UPRT: variants seen among roughly 807,000 people sequenced by gnomAD.
UPRT encodes the protein RP11-311P8.3.
In UPRT, 5 loss-of-function variants were observed where a neutral mutation model predicts 22.6. The observed-to-expected ratio is 0.22, with a 90% CI of 0.12 to 0.47. The LOEUF is 0.47. UPRT is among the 20% of genes least tolerant of loss of function. The pLI is 0.99. For missense variants in UPRT, 181 were observed against 239.9 expected (o/e 0.75, Z 1.62); for synonymous variants, 77 against 87.7 (o/e 0.88, Z 0.68).
At chrX:75,240,535 C>T (rs1346681898) in intron 4 of UPRT, among the ~76,000 whole-genome samples, 2 of 111,648 alleles carry the variant, frequency 1.8e-5, no homozygotes, top group Non-Finnish European at 3.8e-5. Context: ...ATGCAATTCC[C>T]ATCAAAATGC....
At chrX:75,251,433 C>G (rs1274106370) in intron 4 of UPRT, among the ~76,000 whole-genome samples, 29 of 110,693 alleles carry the variant, frequency 2.6e-4, no homozygotes, top group African/African-American at 3.3e-4. Flanking sequence ...CAAACAGAGA[C>G]CCAAATCATG....
intron 1 of UPRT, 70 bp from the exon 2 acceptor site, chrX:75,293,402 C>T: frequency 2.0e-6 from 2 of 994,501 alleles, no homozygotes; most frequent in East Asian, 3.1e-5. Context: ...ATCAGTGTTA[C>T]TGTACATATT....
chrX:75,258,116 G>T (rs2082555008), intron 4 of UPRT, among the ~76,000 whole-genome samples: 1 of 109,339 alleles, frequency 9.1e-6, no homozygotes, highest in Non-Finnish European at 1.9e-5. Context: ...TCCCTCTGGA[G>T]CCTATGCCAC....
chrX:75,298,272 A>G (rs1385512617), intron 4 of UPRT, among the ~76,000 whole-genome samples: 1 of 110,386 alleles, frequency 9.1e-6, no homozygotes, highest in Non-Finnish European at 1.9e-5. Flanking sequence ...GATTATGGGC[A>G]TGAGCCACCA....
At chrX:75,203,524 A>T (rs2082354436) in intron 4 of UPRT, among the ~76,000 whole-genome samples, 1 of 108,406 alleles carries the variant, frequency 9.2e-6, no homozygotes, top group African/African-American at 3.4e-5. Flanking sequence ...ACTCACACAC[A>T]CACACACACA....
At chrX:75,249,631 G>C (rs1225992411) in intron 4 of UPRT, among the ~76,000 whole-genome samples, 1 of 110,968 alleles carries the variant, frequency 9.0e-6, no homozygotes, top group East Asian at 2.8e-4. Flanking sequence ...ACACCCCACT[G>C]TCAACATTAG....
At chrX:75,188,496 C>T (rs1245820172) in intron 4 of UPRT, among the ~76,000 whole-genome samples, 1 of 112,742 alleles carries the variant, frequency 8.9e-6, no homozygotes, top group African/African-American at 3.2e-5. Flanking sequence ...GCCCTGCCCC[C>T]AGAGGTGGAG....
chrX:75,249,123 C>T (rs961534263), intron 4 of UPRT, among the ~76,000 whole-genome samples: 2 of 111,120 alleles, frequency 1.8e-5, no homozygotes, highest in East Asian at 2.8e-4. Flanking sequence ...TGGTAAAGAC[C>T]GTCAAGTCTA....
intron 2 of UPRT, 108 bp from the exon 3 acceptor site, chrX:75,296,234 C>A: frequency 2.1e-5 from 16 of 750,155 alleles, no homozygotes; most frequent in Non-Finnish European, 3.2e-5. Context: ...ACAAGTGAAA[C>A]CTTTGCCTAG....
intron 4 of UPRT, among the ~76,000 whole-genome samples, chrX:75,252,337 A>G (rs1157693840): frequency 8.9e-6 from 1 of 112,051 alleles, no homozygotes; most frequent in Non-Finnish European, 1.9e-5. Flanking sequence ...ACTCAAACAA[A>G]TTTACAAGAA....
At chrX:75,162,883 G>A (rs759992949) in intron 2 of UPRT, among the ~76,000 whole-genome samples, 5 of 111,747 alleles carry the variant, frequency 4.5e-5, no homozygotes, top group Non-Finnish European at 7.5e-5. Context: ...AAAAGCATCA[G>A]TATGATGTCG....
intron 4 of UPRT, among the ~76,000 whole-genome samples, chrX:75,258,237 A>G (rs1330333071): frequency 5.4e-5 from 4 of 74,429 alleles, no homozygotes; most frequent in Admixed American, 2.1e-4. Flanking sequence ...TTTTTTTTCC[A>G]TACGCCAGTA....
At chrX:75,258,746 A>T (rs1359098592) in intron 4 of UPRT, among the ~76,000 whole-genome samples, 2 of 111,877 alleles carry the variant, frequency 1.8e-5, no homozygotes, top group African/African-American at 6.5e-5. Flanking sequence ...AGAGCAGCGG[A>T]TCTCACAGCA....
intron 4 of UPRT, among the ~76,000 whole-genome samples, chrX:75,213,010 G>A (rs756195508): frequency 6.2e-5 from 7 of 112,278 alleles, no homozygotes; most frequent in Non-Finnish European, 1.1e-4. Context: ...TAGACATTGC[G>A]GAATTTAGAC....
intron 4 of UPRT, among the ~76,000 whole-genome samples, chrX:75,251,790 C>T (rs1484190023): frequency 9.0e-6 from 1 of 111,549 alleles, no homozygotes; most frequent in Non-Finnish European, 1.9e-5. Context: ...CTGGAGGCAT[C>T]ACACTACCTG....
intron 4 of UPRT, among the ~76,000 whole-genome samples, chrX:75,178,351 G>A (rs1273938790): frequency 8.9e-6 from 1 of 111,911 alleles, no homozygotes; most frequent in African/African-American, 3.2e-5. Context: ...ACTGCTTGGC[G>A]ATAGGCGAAA....
chrX:75,269,017 C>G (rs970088522), intron 4 of UPRT, among the ~76,000 whole-genome samples: 14 of 111,974 alleles, frequency 1.3e-4, no homozygotes, highest in African/African-American at 4.5e-4. Flanking sequence ...ACCCCATTAT[C>G]TCAGCCCAAA....
At chrX:75,298,015 A>G (rs1331485990) in intron 4 of UPRT, among the ~76,000 whole-genome samples, 3 of 102,105 alleles carry the variant, frequency 2.9e-5, no homozygotes, top group African/African-American at 1.1e-4. Context: ...GTCTCACTCT[A>G]TTGTCCAGGC....
rs777707221 is a variant in UPRT, at chrX:75,298,608, A to C, written c.562+1055A>C. Among the ~76,000 whole-genome samples the C allele has an allele frequency of 1.1e-3, 125 of 112,450 alleles. 2 individuals carry two copies. In the Admixed American group the frequency reaches 0.012, roughly 10 times the overall value. On this transcript the variant is annotated intron_variant, in intron 4 of 6. Transcript: ENST00000373383. ...CATATAGTTTAATTTTTAACATATAAACATTCACTTTTCTCTTCTGGTTAT... is the reference window on the plus strand; with the variant it reads ...CATATAGTTTAATTTTTAACATATACACATTCACTTTTCTCTTCTGGTTAT...
Sources: allele counts gnomAD v4.1 joint callset (sites outside exome capture counted in the v4.1 genomes callset), GRCh38; gene constraint gnomAD v4.1.1; transcripts MANE v1.5; gene names NCBI Gene and HGNC (gene_info 2026-07-23, HGNC 2026-07-21).